The following HMBOX1 variants were observed in gnomAD, a reference collection of about 807,000 sequenced individuals.
HMBOX1 encodes the protein homeobox-containing protein 1.
Under a neutral mutation model 54.5 loss-of-function variants are expected in HMBOX1, and 14 were observed. That is an observed-to-expected ratio of 0.26 (90% CI 0.17 to 0.40). The LOEUF (loss-of-function observed/expected upper bound fraction) is 0.40. HMBOX1 is among the 10% of genes least tolerant of loss of function. The probability of loss-of-function intolerance (pLI) is 1.00; values close to 1 mark genes in which losing one functional copy is unlikely to be tolerated. For missense variants in HMBOX1, 332 were observed against 514.4 expected (o/e 0.65, Z 3.43); for synonymous variants, 160 against 181.0 (o/e 0.88, Z 0.93).
intron 1 of HMBOX1, among the ~76,000 whole-genome samples, chr8:28,959,057 A>G (rs981293334): frequency 1.3e-5 from 2 of 152,162 alleles, no homozygotes; most frequent in Non-Finnish European, 2.9e-5. Flanking sequence ...TGTGTATACT[A>G]TGCACAGATT....
chr8:28,962,032 C>A (rs1825705342), intron 1 of HMBOX1, among the ~76,000 whole-genome samples: 1 of 151,438 alleles, frequency 6.6e-6, no homozygotes, highest in Non-Finnish European at 1.5e-5. Context: ...CCTCAACCTC[C>A]TAAGTAGCTG....
At position 28,960,765 on chromosome 8, in the gene HMBOX1, CTTTTTTTTTTTTTTTTTTTTT is replaced by C. The variant is rs1162477676; in HGVS notation, c.-57-3027_-57-3007del. Among the ~76,000 whole-genome samples the C allele has an allele frequency of 6.9e-3, 112 of 16,246 alleles. 1 individual carries two copies. The highest frequency in any genetic ancestry group is 0.031 in the Middle Eastern group (1 of 32). 10.7% of individuals were successfully genotyped at this position (16,246 alleles called of 152,430 possible). A position where few individuals can be genotyped will look rare whatever the true frequency, so the allele number is the denominator to read the frequency against. On this transcript the variant is annotated intron_variant, in intron 1 of 9. Coordinates refer to ENST00000287701, the MANE Select transcript of HMBOX1 (RefSeq NM_001135726.3). ...TTATTCTCTTTTTCTTTTTCTTTTT[CTTTTTTTTTTTTTTTTTTTTT>C]TTTTTTTTTTTTTTTTTTGGAGACG...
chr8:28,982,672 C>CTA (rs1454885821), intron 4 of HMBOX1, among the ~76,000 whole-genome samples: 1 of 151,320 alleles, frequency 6.6e-6, no homozygotes, highest in Admixed American at 6.6e-5. Flanking sequence ...GTCGCCCAAG[C>CTA]TAGAGTGCAA....
chr8:28,942,325 C>T (rs1433970378), intron 1 of HMBOX1, among the ~76,000 whole-genome samples: 2 of 152,176 alleles, frequency 1.3e-5, no homozygotes, highest in Non-Finnish European at 2.9e-5. Flanking sequence ...GGGGTCATTG[C>T]CACACCAGTT....
chr8:29,017,339 T>C (rs1432256514), intron 5 of HMBOX1, among the ~76,000 whole-genome samples: 1 of 152,194 alleles, frequency 6.6e-6, no homozygotes, highest in Non-Finnish European at 1.5e-5. Flanking sequence ...TTGAATTGTT[T>C]AGATTTTCTT....
chr8:28,987,417 C>T (rs77417969), intron 4 of HMBOX1, among the ~76,000 whole-genome samples: 15,325 of 151,756 alleles, frequency 0.1, 980 homozygotes, highest in Middle Eastern at 0.15. Flanking sequence ...GAAGTGATAC[C>T]CCAGTAAGAA....
rs145540061 is a variant in HMBOX1 at position 29,028,112 on chromosome 8, C to T, written c.851+9199C>T. On this transcript the variant is annotated intron_variant, in intron 6 of 9. Transcript: ENST00000287701. ...AAAAAATTAATCCAAAATATTCTCC[C>T]GGGCAAGGAATCAGCATTAAAAATT... is the stretch of plus-strand genomic sequence containing the variant. 3.4e-3 allele frequency among the ~76,000 whole-genome samples: 516 copies of T among 152,194 alleles called. 3 individuals are homozygous for T. Among genetic ancestry groups the T allele is most frequent in the African/African-American group, 0.011 (475 of 41,542 alleles).
At chr8:28,901,091 T>C (rs1255612966) in intron 1 of HMBOX1, among the ~76,000 whole-genome samples, 1 of 152,204 alleles carries the variant, frequency 6.6e-6, no homozygotes, top group African/African-American at 2.4e-5. Context: ...TGTGAGTATA[T>C]GATTCAACAT....
intron 6 of HMBOX1, among the ~76,000 whole-genome samples, chr8:29,029,657 G>T (rs541641105): frequency 1.3e-5 from 2 of 152,244 alleles, no homozygotes; most frequent in South Asian, 2.1e-4. Context: ...AATTAACTTG[G>T]TTACATTCAC....
At chr8:29,010,534 T>A (rs1318284470) in intron 5 of HMBOX1, among the ~76,000 whole-genome samples, 1 of 151,942 alleles carries the variant, frequency 6.6e-6, no homozygotes, top group Non-Finnish European at 1.5e-5. Context: ...CCAGCCTGGA[T>A]GACAAAGGGA....
chr8:28,896,079 T>C (rs1237702222), intron 1 of HMBOX1, among the ~76,000 whole-genome samples: 1 of 152,226 alleles, frequency 6.6e-6, no homozygotes, highest in Non-Finnish European at 1.5e-5. Context: ...TGCCAGTTAC[T>C]AGCTATGTGA....
At chr8:28,904,333 C>T (rs961654594) in intron 1 of HMBOX1, among the ~76,000 whole-genome samples, 4 of 151,324 alleles carry the variant, frequency 2.6e-5, no homozygotes, top group Admixed American at 2.0e-4. Flanking sequence ...CTGCAACCTC[C>T]GCCTCGCGGG....
intron 5 of HMBOX1, 28 bp from the exon 6 acceptor site, chr8:29,018,732 T>C (rs776827569): frequency 1.2e-6 from 2 of 1,602,120 alleles, no homozygotes; most frequent in South Asian, 1.1e-5. Context: ...CTGCAAGATA[T>C]TTGCTAAAAG....
rs1806384295 is a variant in HMBOX1, at chr8:29,051,133, C to G, written c.1241C>G (p.Thr414Arg). Residue 414 changes from threonine to arginine, a missense_variant, in exon 10 of 10, where the codon ACA (threonine) becomes AGA (arginine). Physicochemically the swap from Thr to Arg is moderately conservative, Grantham distance 71. Transcript: ENST00000287701. The part of the protein sequence containing the change: ...LARQGANEIK[T>R]EALDDD ...CGACAAGGAGCCAACGAAATCAAGA[C>G]AGAGGCCCTGGATGATGACTGATCA... The G allele has an allele frequency of 6.2e-7, 1 of 1,613,882 alleles. No homozygotes were observed. Among genetic ancestry groups the G allele is most frequent in the Non-Finnish European group, 8.5e-7 (1 of 1,179,994 alleles).
At chr8:28,973,615 T>C (rs925724187) in intron 3 of HMBOX1, among the ~76,000 whole-genome samples, 3 of 152,028 alleles carry the variant, frequency 2.0e-5, no homozygotes, top group African/African-American at 7.3e-5. Context: ...TGATAGCCCG[T>C]TGGAAGTGGT....
At chr8:28,908,855 A>G (rs1478785253) in intron 1 of HMBOX1, among the ~76,000 whole-genome samples, 1 of 152,134 alleles carries the variant, frequency 6.6e-6, no homozygotes, top group African/African-American at 2.4e-5. Flanking sequence ...GTGTTTTGGG[A>G]AGCTGATGCA....
At chr8:28,919,301 T>C (rs1817133977) in intron 1 of HMBOX1, among the ~76,000 whole-genome samples, 1 of 152,220 alleles carries the variant, frequency 6.6e-6, no homozygotes, top group Admixed American at 6.5e-5. Flanking sequence ...AAACACTGTA[T>C]TTATTTCAGT....
chr8:28,941,973 T>C (rs955341209), intron 1 of HMBOX1, among the ~76,000 whole-genome samples: 2 of 152,214 alleles, frequency 1.3e-5, no homozygotes, highest in Non-Finnish European at 2.9e-5. Context: ...CAGAAACGAA[T>C]ACTCTTTCCT....
intron 1 of HMBOX1, among the ~76,000 whole-genome samples, chr8:28,907,857 T>C (rs1042823374): frequency 7.2e-5 from 11 of 152,066 alleles, no homozygotes; most frequent in African/African-American, 1.9e-4. Flanking sequence ...TTCTTTTTTT[T>C]TTTTTTGAGA....
Sources: gnomAD v4.1 joint callset for allele counts (sites outside exome capture counted in the v4.1 genomes callset) on GRCh38, gnomAD v4.1.1 for gene constraint, MANE v1.5 for transcripts, NCBI Gene and HGNC (gene_info 2026-07-23, HGNC 2026-07-21) for gene names.